Variants in PDE11A observed in about 807,000 individuals in gnomAD.
PDE11A encodes the protein phosphodiesterase 11A, also known as dual 3',5'-cyclic-AMP and -GMP phosphodiesterase 11A.
PDE11A carries 100 observed loss-of-function variants against 100.5 expected under a neutral mutation model. That is an observed-to-expected ratio of 1.00 (90% confidence interval 0.85 to 1.18). The LOEUF (loss-of-function observed/expected upper bound fraction) is 1.18. PDE11A is among the 50% of genes most tolerant of loss of function. The probability of loss-of-function intolerance (pLI) is 0.00; values close to 1 mark genes in which losing one functional copy is unlikely to be tolerated. For synonymous variants in PDE11A, 381 were observed against 420.8 expected (o/e 0.91, Z 1.16); for missense variants, 1,141 against 1,152.6 (o/e 0.99, Z 0.15).
chr2:177,883,846 T>C (rs2084385811), intron 4 of PDE11A, among the ~76,000 whole-genome samples: 1 of 151,934 alleles, frequency 6.6e-6, no homozygotes, highest in African/African-American at 2.4e-5. Context: ...GGAAGGGTGA[T>C]TTTGAGATCC....
intron 2 of PDE11A, among the ~76,000 whole-genome samples, chr2:177,931,677 A>C (rs958054387): frequency 6.6e-6 from 1 of 152,144 alleles, no homozygotes; most frequent in African/African-American, 2.4e-5. Flanking sequence ...TTATAGCACT[A>C]AACGTCTACC....
chr2:178,054,214 C>A (rs2086868602), intron 1 of PDE11A, among the ~76,000 whole-genome samples: 1 of 152,154 alleles, frequency 6.6e-6, no homozygotes, highest in Non-Finnish European at 1.5e-5. Context: ...ACCATCTGAT[C>A]TTTGACAAGC....
intron 12 of PDE11A, among the ~76,000 whole-genome samples, chr2:177,719,760 A>G (rs566196680): frequency 6.6e-6 from 1 of 152,010 alleles, no homozygotes; most frequent in South Asian, 2.1e-4. Flanking sequence ...TTGCAGGGTC[A>G]CTCTCTGGGG....
intron 1 of PDE11A, among the ~76,000 whole-genome samples, chr2:178,063,889 A>G (rs533915680): frequency 9.2e-5 from 14 of 152,342 alleles, no homozygotes; most frequent in African/African-American, 2.9e-4. Context: ...TACAGGTACT[A>G]CCACATTTTA....
intron 5 of PDE11A, among the ~76,000 whole-genome samples, chr2:177,868,058 G>C (rs547017965): frequency 1.1e-4 from 17 of 152,320 alleles, no homozygotes; most frequent in African/African-American, 4.1e-4. Flanking sequence ...TCACAGAGAA[G>C]TCAGGAATGG....
In PDE11A at chr2:178,018,541, G is replaced by A. The variant is rs774081472; in HGVS notation, c.913-4081C>T. 1.7e-4 allele frequency: 66 copies of A among 391,654 alleles called. 2 individuals are homozygous for A. The highest frequency in any genetic ancestry group is 1.3e-3 in the South Asian group (65 of 48,444). The allele number at this position is 391,654 out of a possible 1,614,324, so 24.3% of individuals were successfully genotyped here. A position where few individuals can be genotyped will look rare whatever the true frequency, so the allele number is the denominator to read the frequency against. On this transcript the variant is annotated intron_variant, in intron 1 of 19. Coordinates refer to ENST00000286063, the MANE Select transcript of PDE11A (RefSeq NM_016953.4). Reference sequence around the variant, plus strand: ...CTTATCTTTGCCTCTGCTCTGCCATGCCATTCCACTAACAATAAAAAGGAA... The same window carrying A: ...CTTATCTTTGCCTCTGCTCTGCCATACCATTCCACTAACAATAAAAAGGAA...
At chr2:178,021,495 T>C (rs1377726741) in intron 1 of PDE11A, among the ~76,000 whole-genome samples, 3 of 152,136 alleles carry the variant, frequency 2.0e-5, no homozygotes, top group Admixed American at 6.5e-5. Flanking sequence ...GAGTCCCAAA[T>C]TGAGGCATAA....
chr2:177,635,993 C>A (rs1201992929), intron 19 of PDE11A, among the ~76,000 whole-genome samples: 1 of 151,904 alleles, frequency 6.6e-6, no homozygotes, highest in African/African-American at 2.4e-5. Context: ...TGTACATAGC[C>A]TCTCCATAGG....
chr2:177,803,776 C>A (rs2082827011), intron 9 of PDE11A, among the ~76,000 whole-genome samples: 1 of 151,760 alleles, frequency 6.6e-6, no homozygotes. Flanking sequence ...AAATTCTCAA[C>A]AAATCAGACA....
intron 5 of PDE11A, among the ~76,000 whole-genome samples, chr2:177,863,269 G>C (rs1227805325): frequency 6.6e-6 from 1 of 151,816 alleles, no homozygotes; most frequent in Non-Finnish European, 1.5e-5. Context: ...ACAATGCCTT[G>C]GTCATGATTT....
intron 15 of PDE11A, among the ~76,000 whole-genome samples, chr2:177,691,501 G>A (rs1338852182): frequency 6.6e-6 from 1 of 152,158 alleles, no homozygotes; most frequent in East Asian, 1.9e-4. Flanking sequence ...ATGCCCAAAT[G>A]TTTCCTGGAT....
intron 16 of PDE11A, 183 bp from the exon 17 acceptor site, chr2:177,675,701 C>A (rs557901842): frequency 1.4e-6 from 1 of 699,134 alleles, no homozygotes; most frequent in East Asian, 2.8e-5. Context: ...CATGTGGCCA[C>A]GCTGCTTAGG....
Position 178,059,402 on chromosome 2 carries a change from C to T in PDE11A, c.912+12124G>A, listed in dbSNP as rs189586899. 2.0e-4 allele frequency among the ~76,000 whole-genome samples: 31 copies of T among 152,298 alleles called. No individual in the cohort carries two copies. The East Asian group carries it at 6.0e-3, about 29-fold the overall frequency. ...GGGGGCTTCCTGCCCACCCCTGATC[C>T]AGGTAGCAAGCTTGTCAGGCACAGA... On this transcript the variant is annotated intron_variant, in intron 1 of 19. Coordinates refer to ENST00000286063, the MANE Select transcript of PDE11A (RefSeq NM_016953.4).
At chr2:177,926,220 T>G (rs1407546899) in intron 2 of PDE11A, among the ~76,000 whole-genome samples, 1 of 151,656 alleles carries the variant, frequency 6.6e-6, no homozygotes, top group Non-Finnish European at 1.5e-5. Flanking sequence ...TTCAGAAGTA[T>G]TTTTTCATTG....
chr2:177,638,633 G>C (rs1260515551), intron 19 of PDE11A, among the ~76,000 whole-genome samples: 1 of 152,040 alleles, frequency 6.6e-6, no homozygotes, highest in African/African-American at 2.4e-5. Context: ...CTTCAGTTTT[G>C]TTCTGGAATA....
intron 5 of PDE11A, among the ~76,000 whole-genome samples, chr2:177,861,969 A>C (rs538792740): frequency 6.6e-6 from 1 of 152,080 alleles, no homozygotes; most frequent in South Asian, 2.1e-4. Context: ...CAGCTCTTAG[A>C]AGAACACATG....
intron 6 of PDE11A, among the ~76,000 whole-genome samples, chr2:177,836,025 C>A (rs2083392468): frequency 6.6e-6 from 1 of 152,236 alleles, no homozygotes; most frequent in South Asian, 2.1e-4. Context: ...AGCACCCGGT[C>A]CTATCGACCA....
intron 1 of PDE11A, among the ~76,000 whole-genome samples, chr2:178,051,857 A>G (rs1191652909): frequency 6.6e-6 from 1 of 152,236 alleles, no homozygotes; most frequent in Non-Finnish European, 1.5e-5. Context: ...ACCCAGATTC[A>G]TAAAGCAAGT....
intron 2 of PDE11A, among the ~76,000 whole-genome samples, chr2:178,099,345 G>T (rs1165464920): frequency 6.6e-6 from 1 of 151,454 alleles, no homozygotes; most frequent in Non-Finnish European, 1.5e-5. Context: ...GGCTGAGGCA[G>T]GAAAATAGCT....
Sources: allele counts gnomAD v4.1 joint callset (sites outside exome capture counted in the v4.1 genomes callset), GRCh38; gene constraint gnomAD v4.1.1; transcripts MANE v1.5; gene names NCBI Gene and HGNC (gene_info 2026-07-23, HGNC 2026-07-21).